Variants in ZNF395 observed in about 807,000 individuals in gnomAD.
ZNF395 encodes HD gene regulatory region-binding protein 2.
In ZNF395, 20 loss-of-function variants were observed where a neutral mutation model predicts 57.7. The ratio of observed to expected loss-of-function variants is 0.35; its 90% CI spans 0.24 to 0.50. ZNF395 has a LOEUF of 0.50. ZNF395 is among the 20% of genes least tolerant of loss of function. The pLI is 0.97. For missense variants in ZNF395, 606 were observed against 671.2 expected (o/e 0.90, Z 1.07); for synonymous variants, 295 against 275.9 (o/e 1.07, Z -0.69).
chr8:28,360,705 G>A (rs1257584842), intron 2 of ZNF395, among the ~76,000 whole-genome samples, 180 bp downstream of exon 2: 1 of 152,234 alleles, frequency 6.6e-6, no homozygotes, highest in Non-Finnish European at 1.5e-5. Context: ...GAAGCCCTGG[G>A]TCTACTAACA....
chr8:28,384,708 G>A (rs762164165), intron 1 of ZNF395, among the ~76,000 whole-genome samples: 10 of 152,142 alleles, frequency 6.6e-5, no homozygotes, highest in Admixed American at 1.3e-4. Context: ...ACTCTCCACA[G>A]GCATAATTTA....
At chr8:28,364,369 G>A (rs1306753809) in intron 1 of ZNF395, among the ~76,000 whole-genome samples, 1 of 152,168 alleles carries the variant, frequency 6.6e-6, no homozygotes, top group East Asian at 1.9e-4. Flanking sequence ...AATAGCTCCT[G>A]GACAGGTGCA....
intron 1 of ZNF395, among the ~76,000 whole-genome samples, chr8:28,364,923 C>T (rs1303461188): frequency 1.3e-5 from 2 of 152,166 alleles, no homozygotes; most frequent in East Asian, 3.9e-4. Context: ...TTAAGCAGCC[C>T]AAGCCACTGT....
rs960801005 is a variant in ZNF395, at chr8:28,348,844, G to A, written c.1431-14C>T. The A allele has an allele frequency of 6.2e-7, 1 of 1,613,570 alleles. No individual in the cohort carries two copies. The highest frequency in any genetic ancestry group is 1.3e-5 in the African/African-American group (1 of 75,044). The stretch of plus-strand genomic sequence containing the variant: ...CCTCGGGCTTTCCTGCAGAAAGAGA[G>A]GAATGCAAATCGAGCCCCACACAGG... On this transcript the variant is annotated splice_polypyrimidine_tract_variant and intron_variant, in intron 9 of 9. Coordinates refer to ENST00000344423, the MANE Select transcript of ZNF395 (RefSeq NM_018660.3).
intron 2 of ZNF395, among the ~76,000 whole-genome samples, chr8:28,360,135 C>A (rs1159689222): frequency 6.6e-6 from 1 of 152,226 alleles, no homozygotes; most frequent in Admixed American, 6.5e-5. Flanking sequence ...CCCGGATGCA[C>A]TGCCTGTCTG....
intron 1 of ZNF395, among the ~76,000 whole-genome samples, chr8:28,363,454 C>T (rs537412037): frequency 3.3e-5 from 5 of 152,216 alleles, no homozygotes; most frequent in East Asian, 1.9e-4. Context: ...TTTTAAAACA[C>T]TGTCACCTAC....
Position 28,351,637 on chromosome 8 carries a change from A to G in ZNF395, c.1091T>C (p.Leu364Pro), listed in dbSNP as rs756609614. The stretch of plus-strand genomic sequence containing the variant: ...GTGCAGAGGTGGTGGAAGAGCAGAC[A>G]GAGGCAGGCCAGTCATGCTGGGGGT... The part of the protein sequence containing the change: ...APTPSMTGLP[L>P]SALPPPLHKA... The change falls in exon 7 of 10, where the codon CTG (leucine) becomes CCG (proline). Residue 364 changes from leucine (L) to proline (P), a missense_variant. By Grantham distance (98) the Leu-to-Pro change is moderately conservative. This residue lies in a region of ZNF395 where 261 missense variants were observed against 240.3 expected (regional missense o/e 1.09). Transcript: ENST00000344423. 1.7e-5 allele frequency: 27 copies of G among 1,613,512 alleles called. No individual in the cohort carries two copies. Among genetic ancestry groups the G allele is most frequent in the Non-Finnish European group, 2.2e-5 (26 of 1,179,970 alleles).
rs1260370689 is a variant in ZNF395 at position 28,360,739 on chromosome 8, T to C, written c.240+146A>G. The C allele has an allele frequency of 1.4e-5, 16 of 1,159,660 alleles. No individual in the cohort carries two copies. The East Asian group carries it at 4.1e-4, about 30-fold the overall frequency. 71.8% of individuals were successfully genotyped at this position (1,159,660 alleles called of 1,614,324 possible). A position where few individuals can be genotyped will look rare whatever the true frequency, so the allele number is the denominator to read the frequency against. On this transcript the variant is annotated intron_variant, in intron 2 of 9. Transcript: ENST00000344423. Reference sequence around the variant, plus strand: ...CAATGTCATATTCTCTTGGGCGATCTGCTGCCCAGGTGCCCTGTGGCTGGA... The same window carrying C: ...CAATGTCATATTCTCTTGGGCGATCCGCTGCCCAGGTGCCCTGTGGCTGGA...
intron 1 of ZNF395, among the ~76,000 whole-genome samples, chr8:28,368,826 CTACTT>C (rs1302162883): frequency 3.3e-5 from 5 of 152,056 alleles, no homozygotes; most frequent in African/African-American, 9.7e-5. Flanking sequence ...AACATGGACT[CTACTT>C]TCTTTTCTTT....
chr8:28,359,921 C>T lies in ZNF395; in HGVS notation c.241-97G>A, dbSNP rs1801828807. On this transcript the variant is annotated intron_variant, in intron 2 of 9. Coordinates refer to ENST00000344423, the MANE Select transcript of ZNF395 (RefSeq NM_018660.3). This position sits in a 1 kb window ranked among gnomAD's most constrained non-coding sequence, Gnocchi z 4.7. ...CGTCCCAGGAGCCAGGATCTGCCTGCCACAAACCATGTTCTCTGCCTCACT... is the reference window on the plus strand; with the variant it reads ...CGTCCCAGGAGCCAGGATCTGCCTGTCACAAACCATGTTCTCTGCCTCACT... 6.7e-7 allele frequency: 1 copy of T among 1,495,248 alleles called. No individual in the cohort carries two copies. Among genetic ancestry groups the T allele is most frequent in the South Asian group, 1.3e-5 (1 of 75,334 alleles). The allele number at this position is 1,495,248 out of a possible 1,614,324, so 92.6% of individuals were successfully genotyped here.
chr8:28,359,264 T>C lies in ZNF395; in HGVS notation c.473+328A>G, dbSNP rs1391015549. Among the ~76,000 whole-genome samples, 1 of 152,012 alleles carries C rather than the reference T, an allele frequency of 6.6e-6. No individual in the cohort carries two copies. The highest frequency in any genetic ancestry group is 1.5e-5 in the Non-Finnish European group (1 of 67,990). On this transcript the variant is annotated intron_variant, in intron 3 of 9. Transcript: ENST00000344423. This position sits in a 1 kb window ranked among gnomAD's most constrained non-coding sequence, Gnocchi z 4.7. ...AAAAAATACAAAAATTAGCCAGGCG[T>C]GGTGGTGCACGCCTGTAATCCCAGT...
At position 28,361,176 on chromosome 8, in the gene ZNF395, C is replaced by T; in HGVS notation, c.-52G>A. ...GCGAAGGGGACACTGAAGCCTCTGC[C>T]CATCACCTGGGGGAATCAGGAAGCT... On this transcript the variant is annotated 5_prime_UTR_variant, in exon 2 of 10. Coordinates refer to ENST00000344423, the MANE Select transcript of ZNF395 (RefSeq NM_018660.3). 1 of 1,605,074 alleles carries T rather than the reference C, an allele frequency of 6.2e-7. No homozygotes were observed. The highest frequency in any genetic ancestry group is 2.2e-5 in the East Asian group (1 of 44,880).
intron 1 of ZNF395, among the ~76,000 whole-genome samples, chr8:28,362,546 T>C (rs929142495): frequency 1.6e-4 from 24 of 152,260 alleles, no homozygotes; most frequent in African/African-American, 5.8e-4. Flanking sequence ...TCCACTCAGG[T>C]GTGCCCCTCC....
At chr8:28,349,324 G>A (rs1042694226) in intron 8 of ZNF395, 96 bp from the exon 9 acceptor site, 3 of 960,722 alleles carry the variant, frequency 3.1e-6, no homozygotes, top group Non-Finnish European at 4.4e-6. Context: ...CCAGCTCCTG[G>A]TGCAGAAGGC....
chr8:28,351,673 T>A lies in ZNF395; in HGVS notation c.1055A>T (p.Glu352Val). The A allele has an allele frequency of 6.2e-7, 1 of 1,612,576 alleles. No homozygotes were observed. Among genetic ancestry groups the A allele is most frequent in the East Asian group, 2.2e-5 (1 of 44,872 alleles). ...AGTCATGCTGGGGGTGGGAGCTGGC[T>A]CGGAGGTGGGAGTCCCAGGGACTGG... ...GTPVPGTPTS[E>V]PAPTPSMTGL... The change falls in exon 7 of 10, where the codon GAG becomes GTG. Residue 352 changes from glutamate to valine, a missense_variant. By Grantham distance (121) the Glu-to-Val change is moderately radical (BLOSUM62 -2). Coordinates refer to ENST00000344423, the MANE Select transcript of ZNF395 (RefSeq NM_018660.3).
Position 28,352,534 on chromosome 8 carries a change from C to T in ZNF395, c.920+39G>A, listed in dbSNP as rs774587766. 6.3e-7 allele frequency: 1 copy of T among 1,579,052 alleles called. No homozygotes were observed. The highest frequency in any genetic ancestry group is 1.3e-5 in the African/African-American group (1 of 74,352). On this transcript the variant is annotated intron_variant, in intron 6 of 9. Transcript: ENST00000344423. This position sits in a 1 kb window ranked among gnomAD's most constrained non-coding sequence, Gnocchi z 4.0. Reference sequence around the variant, plus strand: ...ACTCGGCAGGGTGGAGGGACACCCACACGCGACCCTAGGCTAGAGGCCCTG... The same window carrying T: ...ACTCGGCAGGGTGGAGGGACACCCATACGCGACCCTAGGCTAGAGGCCCTG...
intron 1 of ZNF395, among the ~76,000 whole-genome samples, chr8:28,368,040 G>T (rs1020088500): frequency 6.6e-6 from 1 of 152,172 alleles, no homozygotes; most frequent in Non-Finnish European, 1.5e-5. Flanking sequence ...GCGCTGGGGC[G>T]TGCATGTATG....
At chr8:28,374,660 G>A (rs1175709521) in intron 1 of ZNF395, among the ~76,000 whole-genome samples, 6 of 152,092 alleles carry the variant, frequency 3.9e-5, no homozygotes, top group African/African-American at 1.2e-4. Flanking sequence ...GCCCAACTCC[G>A]CAACTCTGTG....
At position 28,360,869 on chromosome 8, in the gene ZNF395, G is replaced by A. The variant is rs543485729; in HGVS notation, c.240+16C>T. On this transcript the variant is annotated intron_variant, in intron 2 of 9. Transcript: ENST00000344423. ...CTGGCAAGACGGGACACCTGTCCATGTTGGGATCAACCTACCTTCTGCCCA... is the reference window on the plus strand; with the variant it reads ...CTGGCAAGACGGGACACCTGTCCATATTGGGATCAACCTACCTTCTGCCCA... 3 of 1,612,680 alleles carry A rather than the reference G, an allele frequency of 1.9e-6. No individual in the cohort carries two copies. The highest frequency in any genetic ancestry group is 4.5e-5 in the East Asian group (2 of 44,880).
Sources: allele counts gnomAD v4.1 joint callset (sites outside exome capture counted in the v4.1 genomes callset), GRCh38; gene constraint gnomAD v4.1.1; regional missense constraint gnomAD v4.1.1; non-coding constraint Gnocchi (gnomAD v3.1); transcripts MANE v1.5; gene names NCBI Gene and HGNC (gene_info 2026-07-23, HGNC 2026-07-21).